DNAH8: variants seen among roughly 807,000 people sequenced by gnomAD.
DNAH8 encodes the protein dynein axonemal heavy chain 8.
A neutral mutation model predicts 562.1 loss-of-function variants in DNAH8; 382 were observed. The ratio of observed to expected loss-of-function variants is 0.68; its 90% CI spans 0.63 to 0.74. DNAH8 has a LOEUF of 0.74. DNAH8 is among the 30% of genes least tolerant of loss of function. DNAH8 has a pLI of 0.00. For synonymous variants in DNAH8, 1,881 were observed against 1,919.4 expected, an observed-to-expected ratio of 0.98 and a Z score of 0.52; for missense variants, 5,203 against 5,620.4, an observed-to-expected ratio of 0.93 and a Z score of 2.37.
intron 62 of DNAH8, among the ~76,000 whole-genome samples, chr6:38,905,374 A>G (rs1033074662): frequency 1.3e-5 from 2 of 152,254 alleles, no homozygotes; most frequent in African/African-American, 4.8e-5. Flanking sequence ...AACAAAGACC[A>G]AGATCTTTTC....
chr6:38,806,935 A>C (rs1347105341), intron 23 of DNAH8, among the ~76,000 whole-genome samples: 3 of 151,996 alleles, frequency 2.0e-5, no homozygotes, highest in Admixed American at 1.3e-4. Context: ...TGCCTCACCA[A>C]CCCAGTCTCA....
chr6:38,806,716 G>C (rs1165166000), intron 23 of DNAH8, among the ~76,000 whole-genome samples: 2 of 152,068 alleles, frequency 1.3e-5, no homozygotes, highest in East Asian at 3.9e-4. Flanking sequence ...GGGAGGCAGA[G>C]CTTGCAGTGA....
At chr6:38,813,397 C>A (rs1199189305) in intron 24 of DNAH8, among the ~76,000 whole-genome samples, 1 of 151,804 alleles carries the variant, frequency 6.6e-6, no homozygotes. Context: ...TCTTGTGATC[C>A]CCTCCCACCC....
chr6:38,849,442 T>G (rs1775563114), intron 37 of DNAH8, among the ~76,000 whole-genome samples: 1 of 152,130 alleles, frequency 6.6e-6, no homozygotes, highest in South Asian at 2.1e-4. Flanking sequence ...ATAACTGTAA[T>G]AACTGATAGG....
chr6:38,875,568 T>C, intron 52 of DNAH8, 23 bp from the exon 53 acceptor site: 1 of 1,354,228 alleles, frequency 7.4e-7, no homozygotes, highest in Non-Finnish European at 1.0e-6. Flanking sequence ...TTTAAAAATT[T>C]ATTTTATTTG....
chr6:38,873,768 A>ACACC (rs1393077666), intron 52 of DNAH8, among the ~76,000 whole-genome samples: 3 of 51,220 alleles, frequency 5.9e-5, no homozygotes, highest in South Asian at 9.1e-4. Flanking sequence ...ACACACACAC[A>ACACC]CCCCTGCACT....
At chr6:39,021,202 C>A (rs943972887) in intron 91 of DNAH8, among the ~76,000 whole-genome samples, 2 of 152,170 alleles carry the variant, frequency 1.3e-5, no homozygotes, top group African/African-American at 4.8e-5. Context: ...AGAACCTTGA[C>A]CTTGGACCTT....
chr6:38,872,238 C>G lies in DNAH8; in HGVS notation c.6991-298C>G, dbSNP rs12209734. Among the ~76,000 whole-genome samples the G allele has an allele frequency of 0.16, 23,910 of 152,082 alleles. 2,271 individuals carry two copies. Among genetic ancestry groups the G allele is most frequent in the Non-Finnish European group, 0.21 (14,458 of 67,972 alleles). ...CATGGAACAACTGCTGGTTATAGACCAACAAGCCAAAATCACAGGGAATCA... is the reference window on the plus strand; with the variant it reads ...CATGGAACAACTGCTGGTTATAGACGAACAAGCCAAAATCACAGGGAATCA... On this transcript the variant is annotated intron_variant, in intron 49 of 92. Coordinates refer to ENST00000327475, the MANE Select transcript of DNAH8 (RefSeq NM_001206927.2).
chr6:38,891,110 A>T (rs116112700), intron 58 of DNAH8, among the ~76,000 whole-genome samples: 1 of 152,222 alleles, frequency 6.6e-6, no homozygotes, highest in African/African-American at 2.4e-5. Context: ...AGACACTCAG[A>T]TGCTTATTGA....
At position 38,734,325 on chromosome 6, in the gene DNAH8, G is replaced by GAC. The variant is rs1763903492; in HGVS notation, c.611-148_611-147dup. On this transcript the variant is annotated intron_variant, in intron 4 of 92. Transcript: ENST00000327475. ...ATGTAATTATTGGCATCTTCTAGTA[G>GAC]ACCCCCCCCCAAAAAAATTATTCTA... 25 of 594,350 alleles carry GAC rather than the reference G, an allele frequency of 4.2e-5. 2 individuals carry two copies. In the East Asian group the frequency reaches 8.8e-4, roughly 21 times the overall value. 36.8% of individuals were successfully genotyped at this position (594,350 alleles called of 1,614,324 possible).
intron 87 of DNAH8, among the ~76,000 whole-genome samples, chr6:38,987,068 C>T (rs1764449997): frequency 6.6e-6 from 1 of 152,170 alleles, no homozygotes; most frequent in Non-Finnish European, 1.5e-5. Flanking sequence ...GAACAAGGCA[C>T]CTGGATGTAC....
Position 38,781,234 on chromosome 6 carries a change from C to A in DNAH8, c.2140-20C>A. ...CCCTTGTATTGAATTCAAACATTAA[C>A]ATCAGATTTTTAATTACAGCTTTAT... On this transcript the variant is annotated intron_variant, in intron 15 of 92. Transcript: ENST00000327475. 1.2e-6 allele frequency: 2 copies of A among 1,612,684 alleles called. No homozygotes were observed. The highest frequency in any genetic ancestry group is 1.7e-6 in the Non-Finnish European group (2 of 1,179,284).
At chr6:39,011,304 G>A (rs959401414) in intron 89 of DNAH8, among the ~76,000 whole-genome samples, 4 of 152,196 alleles carry the variant, frequency 2.6e-5, no homozygotes, top group African/African-American at 7.2e-5. Context: ...TTATGAGGGG[G>A]CAGTGGGCAT....
intron 1 of DNAH8, among the ~76,000 whole-genome samples, chr6:38,719,344 A>C (rs1228914866): frequency 6.6e-6 from 1 of 152,198 alleles, no homozygotes; most frequent in African/African-American, 2.4e-5. Flanking sequence ...GATAGTGAGC[A>C]TAGTACCCAA....
intron 11 of DNAH8, among the ~76,000 whole-genome samples, chr6:38,766,649 T>C (rs115974875): frequency 2.0e-5 from 3 of 152,028 alleles, no homozygotes; most frequent in Admixed American, 1.3e-4. Flanking sequence ...ATGTATTGTA[T>C]ACTTGACATT....
chr6:38,849,280 T>C (rs1750313657), intron 37 of DNAH8, among the ~76,000 whole-genome samples: 1 of 152,134 alleles, frequency 6.6e-6, no homozygotes, highest in Non-Finnish European at 1.5e-5. Flanking sequence ...TTAAAATTAA[T>C]CTATATTCTG....
At chr6:38,961,546 A>G (rs2150665986) in intron 82 of DNAH8, among the ~76,000 whole-genome samples, 1 of 152,154 alleles carries the variant, frequency 6.6e-6, no homozygotes, top group Middle Eastern at 3.4e-3. Context: ...TATAAGAAAG[A>G]TGCAGGATTA....
At chr6:38,992,886 A>G (rs570440052) in intron 88 of DNAH8, among the ~76,000 whole-genome samples, 1 of 152,350 alleles carries the variant, frequency 6.6e-6, no homozygotes, top group Admixed American at 6.5e-5. Context: ...CACATACAGT[A>G]AACATTCATA....
chr6:38,912,910 A>G (rs1425309558), intron 66 of DNAH8, among the ~76,000 whole-genome samples: 1 of 152,038 alleles, frequency 6.6e-6, no homozygotes, highest in Non-Finnish European at 1.5e-5. Flanking sequence ...CCCAGGTTCA[A>G]GGAATTCTCC....
Sources: allele counts gnomAD v4.1 joint callset (sites outside exome capture counted in the v4.1 genomes callset), GRCh38; gene constraint gnomAD v4.1.1; transcripts MANE v1.5; gene names NCBI Gene and HGNC (gene_info 2026-07-23, HGNC 2026-07-21).